RPS6KA2: variants seen among roughly 807,000 people sequenced by gnomAD.
The protein encoded by RPS6KA2 is ribosomal protein S6 kinase alpha-2.
In RPS6KA2, 42 loss-of-function variants were observed where a neutral mutation model predicts 91.8. The ratio of observed to expected loss-of-function variants is 0.46; its 90% CI spans 0.36 to 0.59. The LOEUF (loss-of-function observed/expected upper bound fraction) is 0.59, where lower values mean the gene tolerates loss of function less well. Ranked by LOEUF, RPS6KA2 falls within the 20% of genes least tolerant of loss-of-function variation. The probability of loss-of-function intolerance (pLI) is 0.00; values close to 1 mark genes in which losing one functional copy is unlikely to be tolerated. For synonymous variants in RPS6KA2, 414 were observed against 393.6 expected (o/e 1.05, Z -0.61); for missense variants, 798 against 978.5 (o/e 0.82, Z 2.46).
chr6:166,707,175 G>A (rs1283136370), intron 2 of RPS6KA2, among the ~76,000 whole-genome samples: 2 of 152,204 alleles, frequency 1.3e-5, no homozygotes, highest in Admixed American at 1.3e-4. Context: ...TGGCAGCACT[G>A]GACAGATAAC....
intron 2 of RPS6KA2, among the ~76,000 whole-genome samples, chr6:166,660,501 G>A (rs1379168616): frequency 6.6e-6 from 1 of 152,152 alleles, no homozygotes; most frequent in Non-Finnish European, 1.5e-5. Context: ...AAGACATCAT[G>A]CCAGGCATAG....
At chr6:166,754,123 C>T (rs188246116) in intron 2 of RPS6KA2, among the ~76,000 whole-genome samples, 1 of 152,332 alleles carries the variant, frequency 6.6e-6, no homozygotes. Context: ...AACGGTTTCT[C>T]AGGCACAATT....
intron 1 of RPS6KA2, among the ~76,000 whole-genome samples, chr6:166,608,012 A>G (rs889504260): frequency 2.0e-5 from 3 of 146,742 alleles, no homozygotes; most frequent in African/African-American, 7.6e-5. Context: ...CTTGTCTCAG[A>G]AAGAAAAAAA....
chr6:166,843,732 T>A (rs1248395610), intron 2 of RPS6KA2, among the ~76,000 whole-genome samples: 1 of 152,078 alleles, frequency 6.6e-6, no homozygotes, highest in Non-Finnish European at 1.5e-5. Context: ...GAACACCACA[T>A]CAAGGGAGTA....
intron 1 of RPS6KA2, among the ~76,000 whole-genome samples, chr6:166,566,844 C>G (rs766321610): frequency 6.6e-6 from 1 of 152,238 alleles, no homozygotes; most frequent in African/African-American, 2.4e-5. Context: ...GATCACACAG[C>G]CCACGCAAAG....
In RPS6KA2 at chr6:166,448,405, G is replaced by A. The variant is rs896181294; in HGVS notation, c.1332+319C>T. On this transcript the variant is annotated intron_variant, in intron 14 of 20. Coordinates refer to ENST00000265678, the MANE Select transcript of RPS6KA2 (RefSeq NM_021135.6). The surrounding 1 kb of genome is among the most constrained non-coding windows in gnomAD (Gnocchi z 4.7). ...GGTACATATGACTGAAAATATTCAT[G>A]ATTTGCAAAACTACCTTTTAATGGG... 6.6e-6 allele frequency among the ~76,000 whole-genome samples: 1 copy of A among 152,146 alleles called. No homozygotes were observed. Among genetic ancestry groups the A allele is most frequent in the Non-Finnish European group, 1.5e-5 (1 of 68,038 alleles).
chr6:166,451,325 GCA>G, intron 12 of RPS6KA2, 92 bp from the exon 13 acceptor site: 1 of 1,417,624 alleles, frequency 7.1e-7, no homozygotes. Flanking sequence ...GTATGTGTGT[GCA>G]AGTCCGTGTG....
At chr6:166,599,033 T>C (rs1232743739) in intron 1 of RPS6KA2, among the ~76,000 whole-genome samples, 1 of 152,142 alleles carries the variant, frequency 6.6e-6, no homozygotes, top group Non-Finnish European at 1.5e-5. Context: ...GTGATCAAAA[T>C]CTCTCCAGAT....
chr6:166,698,569 A>G (rs746512297), intron 2 of RPS6KA2, among the ~76,000 whole-genome samples: 6 of 152,192 alleles, frequency 3.9e-5, no homozygotes, highest in African/African-American at 7.2e-5. Flanking sequence ...AGCAACTGTC[A>G]GGTATTAGAC....
At chr6:166,473,886 G>C (rs1258780891) in intron 10 of RPS6KA2, among the ~76,000 whole-genome samples, 1 of 147,564 alleles carries the variant, frequency 6.8e-6, no homozygotes, top group Non-Finnish European at 1.5e-5. Flanking sequence ...TACTAGGTCT[G>C]CTTTTTCAAT....
intron 1 of RPS6KA2, among the ~76,000 whole-genome samples, chr6:166,559,797 G>A (rs1784286508): frequency 6.6e-6 from 1 of 152,112 alleles, no homozygotes; most frequent in Admixed American, 6.5e-5. Context: ...AAAAGTCTAG[G>A]CAACCTAAGG....
intron 12 of RPS6KA2, among the ~76,000 whole-genome samples, chr6:166,455,578 G>A (rs150243447): frequency 0.01 from 1,591 of 152,296 alleles, 36 homozygotes; most frequent in African/African-American, 0.036. Flanking sequence ...AACTTCCAAC[G>A]CTCCAGACTA....
intron 2 of RPS6KA2, among the ~76,000 whole-genome samples, chr6:166,682,257 C>T (rs766279767): frequency 2.6e-5 from 4 of 152,298 alleles, no homozygotes; most frequent in South Asian, 2.1e-4. Flanking sequence ...AAGACTCATG[C>T]GTCACTTAGT....
chr6:166,678,287 C>T (rs937646891), intron 2 of RPS6KA2, among the ~76,000 whole-genome samples: 6 of 152,304 alleles, frequency 3.9e-5, no homozygotes, highest in Admixed American at 2.6e-4. Context: ...GGCTCTTCCA[C>T]GCTTATCCTG....
intron 1 of RPS6KA2, among the ~76,000 whole-genome samples, chr6:166,569,810 G>A (rs1207906246): frequency 6.6e-6 from 1 of 152,198 alleles, no homozygotes; most frequent in African/African-American, 2.4e-5. Context: ...ACATCTCCCT[G>A]TACTGACTTG....
chr6:166,804,708 A>G (rs967758386), intron 2 of RPS6KA2, among the ~76,000 whole-genome samples: 1 of 152,102 alleles, frequency 6.6e-6, no homozygotes, highest in Non-Finnish European at 1.5e-5. Flanking sequence ...TAATACAATC[A>G]AATATATTAA....
chr6:166,638,781 G>C (rs186570561), intron 2 of RPS6KA2, among the ~76,000 whole-genome samples: 1 of 152,180 alleles, frequency 6.6e-6, no homozygotes, highest in Non-Finnish European at 1.5e-5. Flanking sequence ...CCGGCATCTC[G>C]TGGGTTGAGG....
chr6:166,560,314 A>C (rs765674865), intron 1 of RPS6KA2, among the ~76,000 whole-genome samples: 1 of 152,252 alleles, frequency 6.6e-6, no homozygotes, highest in Non-Finnish European at 1.5e-5. Context: ...ATTTCAAAGA[A>C]CAACTAGTCT....
chr6:166,720,459 C>T lies in RPS6KA2; in HGVS notation c.123+137741G>A, dbSNP rs1583048620. On this transcript the variant is annotated intron_variant, in intron 2 of 21. Coordinates refer to the RPS6KA2 transcript ENST00000503859. ...TGCACTTCTTTTCCCCAAAGGAACC[C>T]AGGAACCCAGATGAAAATCCAAGGC... Among the ~76,000 whole-genome samples the T allele has an allele frequency of 4.6e-5, 7 of 152,180 alleles. No homozygotes were observed. The East Asian group carries it at 1.2e-3, about 25-fold the overall frequency.
Sources: allele counts gnomAD v4.1 joint callset (sites outside exome capture counted in the v4.1 genomes callset), GRCh38; gene constraint gnomAD v4.1.1; non-coding constraint Gnocchi (gnomAD v3.1); transcripts MANE v1.5; gene names NCBI Gene and HGNC (gene_info 2026-07-23, HGNC 2026-07-21).